The following OLFM3 variants were observed in gnomAD, a reference collection of about 807,000 sequenced individuals.
OLFM3 encodes the protein olfactomedin 3, also known as noelin-3.
OLFM3 carries 20 observed loss-of-function variants against 48.6 expected under a neutral mutation model. That is an observed-to-expected ratio of 0.41 (90% CI 0.29 to 0.60). The LOEUF is 0.60. Ranked by LOEUF, OLFM3 falls within the 20% of genes least tolerant of loss-of-function variation. The pLI is 0.28. For synonymous variants in OLFM3, 222 were observed against 198.1 expected, an observed-to-expected ratio of 1.12 and a Z score of -1.01; for missense variants, 437 against 544.3, an observed-to-expected ratio of 0.80 and a Z score of 1.96.
chr1:101,947,537 G>A (rs574332326), intron 1 of OLFM3, among the ~76,000 whole-genome samples: 1 of 152,306 alleles, frequency 6.6e-6, no homozygotes, highest in South Asian at 2.1e-4. Context: ...GGGAGGCTGA[G>A]GAGGGAGGAT....
chr1:101,811,896 T>C (rs1654071254), intron 4 of OLFM3, among the ~76,000 whole-genome samples: 1 of 152,180 alleles, frequency 6.6e-6, no homozygotes, highest in Admixed American at 6.5e-5. Context: ...CGTATGTTTA[T>C]TGCGGCACTA....
chr1:101,910,273 T>C (rs1658706282), intron 1 of OLFM3: 1 of 231,202 alleles, frequency 4.3e-6, no homozygotes, highest in African/African-American at 2.3e-5. Context: ...GAGACCATTC[T>C]GGCTAACACG....
intron 1 of OLFM3, among the ~76,000 whole-genome samples, chr1:101,937,873 T>C (rs1659671209): frequency 6.6e-6 from 1 of 152,328 alleles, no homozygotes; most frequent in Admixed American, 6.5e-5. Context: ...CACTTATTCA[T>C]CCCTTACATA....
intron 1 of OLFM3, among the ~76,000 whole-genome samples, chr1:101,914,207 C>T (rs748122533): frequency 2.4e-4 from 36 of 152,132 alleles, no homozygotes; most frequent in Non-Finnish European, 2.4e-4. Flanking sequence ...TCTGCCCTGA[C>T]GACCCATCAT....
chr1:101,905,137 G>C (rs990885668), intron 1 of OLFM3, among the ~76,000 whole-genome samples: 1 of 152,080 alleles, frequency 6.6e-6, no homozygotes, highest in African/African-American at 2.4e-5. Context: ...TTTTTCATTA[G>C]TAAGTCTTCA....
chr1:101,975,160 T>A (rs1333368905), intron 1 of OLFM3, among the ~76,000 whole-genome samples: 3 of 152,178 alleles, frequency 2.0e-5, no homozygotes, highest in Non-Finnish European at 4.4e-5. Context: ...TATATCTAGA[T>A]TTCTCCCAGG....
At chr1:101,827,892 G>T (rs1654937945) in intron 3 of OLFM3, among the ~76,000 whole-genome samples, 1 of 152,080 alleles carries the variant, frequency 6.6e-6, no homozygotes, top group Non-Finnish European at 1.5e-5. Context: ...CATATGTCTG[G>T]GAGGGACCAG....
At chr1:101,834,394 T>C (rs1655302902) in intron 2 of OLFM3, among the ~76,000 whole-genome samples, 1 of 152,256 alleles carries the variant, frequency 6.6e-6, no homozygotes, top group Non-Finnish European at 1.5e-5. Context: ...ATATTGTCTT[T>C]ATTAACAATA....
chr1:101,806,669 G>A (rs964615649), intron 4 of OLFM3, among the ~76,000 whole-genome samples: 10 of 151,544 alleles, frequency 6.6e-5, no homozygotes, highest in Non-Finnish European at 1.3e-4. Flanking sequence ...CCCCAAGAAA[G>A]ATAACTTTAC....
intron 1 of OLFM3, among the ~76,000 whole-genome samples, chr1:101,958,825 C>T (rs144788663): frequency 5.9e-5 from 6 of 101,478 alleles, no homozygotes; most frequent in African/African-American, 2.1e-4. Context: ...TTATGGTATA[C>T]AAAGTGATAT....
chr1:101,836,466 T>C (rs534978247), intron 2 of OLFM3, among the ~76,000 whole-genome samples: 2 of 152,240 alleles, frequency 1.3e-5, no homozygotes, highest in Admixed American at 6.5e-5. Context: ...TCTGTCCAGA[T>C]AGCTTGCATA....
At chr1:101,881,827 T>C (rs560765439) in intron 1 of OLFM3, among the ~76,000 whole-genome samples, 1 of 151,756 alleles carries the variant, frequency 6.6e-6, no homozygotes, top group African/African-American at 2.4e-5. Flanking sequence ...TGGTAGAATA[T>C]ACTATAATAT....
At chr1:101,937,087 T>C (rs1216309764) in intron 1 of OLFM3, among the ~76,000 whole-genome samples, 2 of 152,198 alleles carry the variant, frequency 1.3e-5, no homozygotes, top group African/African-American at 2.4e-5. Flanking sequence ...CCAAAAGCAA[T>C]TGCAACAAAA....
At chr1:101,937,213 T>C (rs1291363916) in intron 1 of OLFM3, among the ~76,000 whole-genome samples, 1 of 152,198 alleles carries the variant, frequency 6.6e-6, no homozygotes, top group African/African-American at 2.4e-5. Flanking sequence ...AAGGGCTACA[T>C]GCTTTTTACC....
intron 1 of OLFM3, among the ~76,000 whole-genome samples, chr1:101,945,761 AG>A (rs1659945494): frequency 6.6e-6 from 1 of 152,182 alleles, no homozygotes. Flanking sequence ...CAGCCTAGGC[AG>A]CATAGTGAGA....
chr1:101,815,836 G>T (rs1654311324), intron 4 of OLFM3, among the ~76,000 whole-genome samples: 1 of 152,190 alleles, frequency 6.6e-6, no homozygotes, highest in Admixed American at 6.5e-5. Flanking sequence ...TGACAAAACA[G>T]TTTTGATGGT....
intron 1 of OLFM3, among the ~76,000 whole-genome samples, chr1:101,919,652 G>A (rs571225354): frequency 1.3e-5 from 2 of 152,062 alleles, no homozygotes; most frequent in South Asian, 2.1e-4. Flanking sequence ...ATCAGCCTTC[G>A]GATTTTTACT....
intron 1 of OLFM3, among the ~76,000 whole-genome samples, chr1:101,920,908 T>C (rs1344949700): frequency 6.6e-6 from 1 of 152,218 alleles, no homozygotes; most frequent in African/African-American, 2.4e-5. Flanking sequence ...TTACAATTTG[T>C]CTTTGAATTT....
intron 1 of OLFM3, among the ~76,000 whole-genome samples, chr1:101,977,755 C>G (rs182774088): frequency 6.0e-4 from 91 of 151,944 alleles, no homozygotes; most frequent in African/African-American, 2.2e-3. Context: ...TCAAATATAG[C>G]CTTTTATGTT....
Sources: gnomAD v4.1 joint callset for allele counts (sites outside exome capture counted in the v4.1 genomes callset) on GRCh38, gnomAD v4.1.1 for gene constraint, MANE v1.5 for transcripts, NCBI Gene and HGNC (gene_info 2026-07-23, HGNC 2026-07-21) for gene names.